The following PACRG variants were observed in gnomAD, a reference collection of about 807,000 sequenced individuals.
PACRG encodes parkin coregulated gene protein.
In PACRG, 29 loss-of-function variants were observed where a neutral mutation model predicts 29.7. That is an observed-to-expected ratio of 0.98 (90% CI 0.73 to 1.33). The LOEUF (loss-of-function observed/expected upper bound fraction) is 1.33. Ranked by LOEUF, PACRG falls within the 40% of genes most tolerant of loss-of-function variation. The probability of loss-of-function intolerance (pLI) is 0.00; values close to 1 mark genes in which losing one functional copy is unlikely to be tolerated. For synonymous variants in PACRG, 116 were observed against 118.7 expected (o/e 0.98, Z 0.15); for missense variants, 279 against 316.2 (o/e 0.88, Z 0.89).
intron 2 of PACRG, among the ~76,000 whole-genome samples, chr6:162,946,450 A>T (rs1259979458): frequency 6.6e-6 from 1 of 152,090 alleles, no homozygotes; most frequent in Non-Finnish European, 1.5e-5. Context: ...AGAAAGAAAT[A>T]CAAAACCTGA....
intron 2 of PACRG, among the ~76,000 whole-genome samples, chr6:162,973,054 G>A (rs1289397287): frequency 2.6e-5 from 4 of 152,208 alleles, no homozygotes; most frequent in African/African-American, 7.2e-5. Context: ...TTTTAAAACT[G>A]TAACATCAGT....
chr6:162,819,755 A>T (rs1787680460), intron 2 of PACRG, among the ~76,000 whole-genome samples: 1 of 152,210 alleles, frequency 6.6e-6, no homozygotes, highest in Non-Finnish European at 1.5e-5. Context: ...CACTTTCCTT[A>T]TCTGTAAGTG....
chr6:163,250,130 A>G (rs1782846263), intron 4 of PACRG, among the ~76,000 whole-genome samples: 1 of 152,242 alleles, frequency 6.6e-6, no homozygotes, highest in South Asian at 2.1e-4. Flanking sequence ...CAACAGTTGC[A>G]CCATTTTTGT....
chr6:162,965,365 A>G (rs537112894), intron 2 of PACRG, among the ~76,000 whole-genome samples: 1 of 152,350 alleles, frequency 6.6e-6, no homozygotes, highest in South Asian at 2.1e-4. Flanking sequence ...TTTATAAGCA[A>G]TAGAAATTTA....
intron 2 of PACRG, among the ~76,000 whole-genome samples, chr6:162,953,905 C>G (rs1340925002): frequency 6.6e-6 from 1 of 152,136 alleles, no homozygotes; most frequent in Non-Finnish European, 1.5e-5. Context: ...ATGAACTTAT[C>G]AATACTGCCT....
intron 4 of PACRG, among the ~76,000 whole-genome samples, chr6:163,170,150 C>T (rs1779003875): frequency 6.6e-6 from 1 of 152,062 alleles, no homozygotes; most frequent in African/African-American, 2.4e-5. Flanking sequence ...CAGTTCAGCC[C>T]GTAACCAGAA....
At chr6:163,223,697 G>A (rs1242308161) in intron 4 of PACRG, among the ~76,000 whole-genome samples, 2 of 152,188 alleles carry the variant, frequency 1.3e-5, no homozygotes, top group East Asian at 3.9e-4. Flanking sequence ...AAGGCTTGAG[G>A]TAGACTGCTT....
intron 2 of PACRG, among the ~76,000 whole-genome samples, chr6:162,974,491 C>T (rs545866434): frequency 2.0e-4 from 31 of 152,292 alleles, no homozygotes; most frequent in Admixed American, 6.5e-4. Context: ...GTCTCACCTA[C>T]TTCATTCAAA....
intron 2 of PACRG, among the ~76,000 whole-genome samples, chr6:162,871,809 T>C (rs1792836425): frequency 6.6e-6 from 1 of 151,826 alleles, no homozygotes; most frequent in Admixed American, 6.6e-5. Context: ...TCCCAGCTAC[T>C]CGGGAGGCTG....
At chr6:163,310,489 C>CA (rs1388292243) in intron 4 of PACRG, 3 of 152,300 alleles carry the variant, frequency 2.0e-5, no homozygotes, top group East Asian at 3.9e-4. Context: ...GCTTAGTCTA[C>CA]AGGGAGGACA....
chr6:163,081,230 C>A (rs1180032293), intron 3 of PACRG, among the ~76,000 whole-genome samples: 1 of 151,974 alleles, frequency 6.6e-6, no homozygotes, highest in African/African-American at 2.4e-5. Flanking sequence ...GGGCCCAAAA[C>A]ATAAAATATT....
chr6:162,931,619 T>G (rs1272908390), intron 2 of PACRG, among the ~76,000 whole-genome samples: 1 of 152,008 alleles, frequency 6.6e-6, no homozygotes, highest in Non-Finnish European at 1.5e-5. Context: ...GAAAAATCAG[T>G]TGTCTCCAAG....
chr6:162,791,315 T>A (rs182787894), intron 1 of PACRG, among the ~76,000 whole-genome samples: 2 of 150,856 alleles, frequency 1.3e-5, no homozygotes, highest in Non-Finnish European at 3.0e-5. Context: ...TTGTTTGTTT[T>A]TTTTTTTTTT....
chr6:162,895,307 A>G (rs73021320), intron 2 of PACRG, among the ~76,000 whole-genome samples: 3 of 151,970 alleles, frequency 2.0e-5, no homozygotes, highest in Non-Finnish European at 4.4e-5. Context: ...CTTCAAATGA[A>G]TGAATACTAT....
chr6:163,197,088 CTT>C (rs1217494868), intron 4 of PACRG, among the ~76,000 whole-genome samples: 1 of 152,148 alleles, frequency 6.6e-6, no homozygotes, highest in Non-Finnish European at 1.5e-5. Context: ...TTTTACTAAA[CTT>C]TTAAAAACTT....
At chr6:162,865,708 T>G (rs995487504) in intron 2 of PACRG, among the ~76,000 whole-genome samples, 7 of 152,156 alleles carry the variant, frequency 4.6e-5, no homozygotes, top group Non-Finnish European at 8.8e-5. Flanking sequence ...CCAGAATAAA[T>G]TTAACTTGCC....
At chr6:163,160,089 A>G (rs1368643180) in intron 4 of PACRG, among the ~76,000 whole-genome samples, 1 of 152,228 alleles carries the variant, frequency 6.6e-6, no homozygotes, top group Non-Finnish European at 1.5e-5. Context: ...AGAGAGAACC[A>G]TATCAAAGAC....
At chr6:163,236,892 T>C (rs1782260764) in intron 4 of PACRG, among the ~76,000 whole-genome samples, 1 of 152,248 alleles carries the variant, frequency 6.6e-6, no homozygotes, top group African/African-American at 2.4e-5. Context: ...AGCCAGCTCA[T>C]CTTACATGGC....
chr6:163,313,399 C>A (rs964881169), intron 4 of PACRG, among the ~76,000 whole-genome samples: 1 of 151,908 alleles, frequency 6.6e-6, no homozygotes, highest in Non-Finnish European at 1.5e-5. Context: ...GTGTGTATAT[C>A]ACAGAAGACA....
Sources: gnomAD v4.1 joint callset for allele counts (sites outside exome capture counted in the v4.1 genomes callset) on GRCh38, gnomAD v4.1.1 for gene constraint, MANE v1.5 for transcripts, NCBI Gene and HGNC (gene_info 2026-07-23, HGNC 2026-07-21) for gene names.